DISC1: variants seen among roughly 807,000 people sequenced by gnomAD.
DISC1 encodes DISC1 scaffold protein.
DISC1 carries 57 observed loss-of-function variants against 84.5 expected under a neutral mutation model. The ratio of observed to expected loss-of-function variants is 0.67; its 90% CI spans 0.55 to 0.84. The LOEUF is 0.84. Ranked by LOEUF, DISC1 falls within the 40% of genes least tolerant of loss-of-function variation. The probability of loss-of-function intolerance (pLI) is 0.00; values close to 1 mark genes in which losing one functional copy is unlikely to be tolerated. For synonymous variants in DISC1, 411 were observed against 415.2 expected (o/e 0.99, Z 0.12); for missense variants, 1,000 against 1,057.8 (o/e 0.95, Z 0.76).
At chr1:231,940,940 T>C (rs2091294775) in intron 9 of DISC1, 1 of 152,200 alleles carries the variant, frequency 6.6e-6, no homozygotes, top group Admixed American at 6.5e-5. Flanking sequence ...GACATGTTCC[T>C]CCGGCTCTGC....
intron 9 of DISC1, among the ~76,000 whole-genome samples, chr1:231,912,784 T>TCTTG (rs2089329652): frequency 6.8e-6 from 1 of 146,472 alleles, no homozygotes; most frequent in African/African-American, 2.5e-5. Flanking sequence ...TTTCTTTCTT[T>TCTTG]CTTTCTTTCT....
chr1:231,994,688 GGATGAGGAT>G (rs1248360871), intron 10 of DISC1, among the ~76,000 whole-genome samples: 2 of 152,126 alleles, frequency 1.3e-5, no homozygotes, highest in Admixed American at 6.5e-5. Flanking sequence ...GTGGGGATGG[GGATGAGGAT>G]GATGAGGATG....
At chr1:231,840,836 T>C (rs2082997243) in intron 9 of DISC1, among the ~76,000 whole-genome samples, 1 of 152,192 alleles carries the variant, frequency 6.6e-6, no homozygotes, top group Non-Finnish European at 1.5e-5. Context: ...GGGATTGTTC[T>C]GTATCCTGTT....
intron 3 of DISC1, among the ~76,000 whole-genome samples, chr1:231,719,745 G>C (rs1481806048): frequency 6.6e-6 from 1 of 152,036 alleles, no homozygotes; most frequent in Non-Finnish European, 1.5e-5. Flanking sequence ...ATGTATTTGC[G>C]AACTGATTAT....
intron 8 of DISC1, among the ~76,000 whole-genome samples, chr1:231,809,453 A>G (rs907483367): frequency 3.6e-4 from 54 of 151,260 alleles, no homozygotes; most frequent in Non-Finnish European, 3.7e-4. Flanking sequence ...AGAAGCAAAC[A>G]GCTCAAATAA....
intron 8 of DISC1, among the ~76,000 whole-genome samples, chr1:231,807,301 G>A (rs886785755): frequency 1.3e-5 from 2 of 152,220 alleles, no homozygotes; most frequent in East Asian, 1.9e-4. Flanking sequence ...GAGGCCCGGC[G>A]AGTAGTCAAG....
At chr1:231,724,502 A>G (rs1213913815) in intron 3 of DISC1, among the ~76,000 whole-genome samples, 1 of 152,220 alleles carries the variant, frequency 6.6e-6, no homozygotes, top group Non-Finnish European at 1.5e-5. Flanking sequence ...AGAGGGAACC[A>G]GCGTACAATA....
chr1:231,650,395 C>T (rs185483389), intron 1 of DISC1, among the ~76,000 whole-genome samples: 1 of 152,252 alleles, frequency 6.6e-6, no homozygotes, highest in African/African-American at 2.4e-5. Context: ...TTGGCCCCCA[C>T]TCTCTTCTGG....
intron 9 of DISC1, among the ~76,000 whole-genome samples, chr1:231,870,649 T>G (rs2085391753): frequency 6.6e-6 from 1 of 151,944 alleles, no homozygotes; most frequent in Non-Finnish European, 1.5e-5. Context: ...CTTGGGAGAT[T>G]GACAGCCCCC....
At chr1:231,945,895 C>T (rs1439647035) in intron 9 of DISC1, among the ~76,000 whole-genome samples, 2 of 152,194 alleles carry the variant, frequency 1.3e-5, no homozygotes, top group Non-Finnish European at 1.5e-5. Context: ...CACGTATACC[C>T]TCCCGTCTAA....
chr1:232,030,034 C>T (rs1003384940), intron 12 of DISC1, among the ~76,000 whole-genome samples: 10 of 152,210 alleles, frequency 6.6e-5, no homozygotes, highest in African/African-American at 2.4e-4. Flanking sequence ...ACAACACAAA[C>T]CCATCAGCTA....
intron 8 of DISC1, among the ~76,000 whole-genome samples, chr1:231,816,652 A>G (rs1437912340): frequency 6.6e-5 from 10 of 152,170 alleles, no homozygotes; most frequent in African/African-American, 2.2e-4. Flanking sequence ...TTCCAGCACC[A>G]TTTATTGAAA....
intron 3 of DISC1, among the ~76,000 whole-genome samples, chr1:231,743,905 C>T (rs2073643766): frequency 6.6e-6 from 1 of 152,196 alleles, no homozygotes; most frequent in African/African-American, 2.4e-5. Flanking sequence ...TCTGCCCTTT[C>T]CTCTACCTTT....
intron 6 of DISC1, among the ~76,000 whole-genome samples, chr1:231,787,709 C>T (rs992756016): frequency 1.3e-5 from 2 of 152,200 alleles, no homozygotes; most frequent in Middle Eastern, 3.2e-3. Context: ...TAAGCACAAT[C>T]ACTCTGAATT....
intron 11 of DISC1, among the ~76,000 whole-genome samples, chr1:232,012,923 G>T (rs974829548): frequency 5.3e-5 from 8 of 152,106 alleles, no homozygotes; most frequent in African/African-American, 1.4e-4. Context: ...TCCTCGAATT[G>T]TAAGAGCCCT....
chr1:231,950,681 C>T (rs1359694575), intron 9 of DISC1, among the ~76,000 whole-genome samples: 2 of 151,992 alleles, frequency 1.3e-5, no homozygotes, highest in African/African-American at 4.8e-5. Context: ...AGGAGCAGGT[C>T]TGAACTGGGA....
chr1:231,868,663 G>C (rs1176358304), intron 9 of DISC1, among the ~76,000 whole-genome samples: 1 of 145,486 alleles, frequency 6.9e-6, no homozygotes, highest in Non-Finnish European at 1.5e-5. Context: ...TTCAAGACCA[G>C]GCTGGGCAAC....
intron 1 of DISC1, among the ~76,000 whole-genome samples, chr1:231,668,823 C>T (rs201148784): frequency 7.9e-5 from 12 of 152,154 alleles, no homozygotes; most frequent in Non-Finnish European, 1.0e-4. Flanking sequence ...TGGCTTTCCA[C>T]GGAGCTTGAG....
chr1:231,832,701 A>G (rs576492453), intron 9 of DISC1, among the ~76,000 whole-genome samples: 9 of 146,966 alleles, frequency 6.1e-5, no homozygotes, highest in African/African-American at 2.0e-4. Flanking sequence ...GAGATCCAGA[A>G]CAGAATAATG....
Sources: allele counts gnomAD v4.1 joint callset (sites outside exome capture counted in the v4.1 genomes callset), GRCh38; gene constraint gnomAD v4.1.1; transcripts MANE v1.5; gene names NCBI Gene and HGNC (gene_info 2026-07-23, HGNC 2026-07-21).